Variants in HECTD2 observed in about 807,000 individuals in gnomAD.
HECTD2 encodes the protein probable E3 ubiquitin-protein ligase HECTD2.
Under a neutral mutation model 103.2 loss-of-function variants are expected in HECTD2, and 35 were observed. The ratio of observed to expected loss-of-function variants is 0.34; its 90% CI spans 0.26 to 0.45. The LOEUF is 0.45. Ranked by LOEUF, HECTD2 falls within the 20% of genes least tolerant of loss-of-function variation. The pLI, the probability that HECTD2 is intolerant of heterozygous loss-of-function variation, is 1.00. For synonymous variants in HECTD2, 281 were observed against 329.9 expected, an observed-to-expected ratio of 0.85 and a Z score of 1.61; for missense variants, 596 against 937.4, an observed-to-expected ratio of 0.64 and a Z score of 4.76.
chr10:91,490,870 G>A (rs932369855), intron 11 of HECTD2, among the ~76,000 whole-genome samples: 6 of 106,632 alleles, frequency 5.6e-5, no homozygotes, highest in Middle Eastern at 0.012. Flanking sequence ...CAGCTTGGGC[G>A]AAAGAGTGAG....
chr10:91,433,607 T>C (rs1843990590), intron 2 of HECTD2, among the ~76,000 whole-genome samples: 2 of 152,016 alleles, frequency 1.3e-5, no homozygotes, highest in African/African-American at 2.4e-5. Flanking sequence ...ATAAATGATT[T>C]GTGTTCATTA....
chr10:91,419,763 A>G lies in HECTD2; in HGVS notation c.139-5518A>G, dbSNP rs538733370. Among the ~76,000 whole-genome samples, 120 of 152,198 alleles carry G rather than the reference A, an allele frequency of 7.9e-4. 1 individual carries two copies. The highest frequency in any genetic ancestry group is 1.5e-3 in the Non-Finnish European group (100 of 68,000). On this transcript the variant is annotated intron_variant, in intron 1 of 20. Coordinates refer to ENST00000298068, the MANE Select transcript of HECTD2 (RefSeq NM_182765.6). The stretch of plus-strand genomic sequence containing the variant: ...GTGTTCTCTATTTGTACTTATCTTC[A>G]ATCTGGAACAGCTGGTTGAGTATCC...
intron 8 of HECTD2, among the ~76,000 whole-genome samples, 195 bp downstream of exon 8, chr10:91,483,271 G>A (rs569081356): frequency 2.6e-5 from 4 of 151,948 alleles, no homozygotes; most frequent in Non-Finnish European, 4.4e-5. Context: ...TGTTTTTAAT[G>A]TAAGTAACCA....
chr10:91,511,452 G>T (rs1233860289), intron 20 of HECTD2, among the ~76,000 whole-genome samples: 1 of 152,132 alleles, frequency 6.6e-6, no homozygotes, highest in Non-Finnish European at 1.5e-5. Flanking sequence ...GCTGCTAGAT[G>T]TTTTGTGTAT....
At chr10:91,434,050 AAC>A (rs1844010678) in intron 2 of HECTD2, among the ~76,000 whole-genome samples, 1 of 152,002 alleles carries the variant, frequency 6.6e-6, no homozygotes, top group Non-Finnish European at 1.5e-5. Flanking sequence ...CAGTTTTATA[AAC>A]ACACATCATT....
chr10:91,503,384 G>A (rs1846987145), intron 20 of HECTD2, among the ~76,000 whole-genome samples: 1 of 152,324 alleles, frequency 6.6e-6, no homozygotes, highest in African/African-American at 2.4e-5. Context: ...TCTCACTAGG[G>A]AGTGCCAGAC....
chr10:91,451,792 TAAA>T (rs1554872866), intron 2 of HECTD2, among the ~76,000 whole-genome samples: 4 of 152,082 alleles, frequency 2.6e-5, no homozygotes, highest in Non-Finnish European at 2.9e-5. Context: ...GGAGGGTAGG[TAAA>T]GAAGGAAGGA....
intron 2 of HECTD2, among the ~76,000 whole-genome samples, chr10:91,456,212 G>A (rs1335184809): frequency 6.6e-6 from 1 of 152,200 alleles, no homozygotes; most frequent in Non-Finnish European, 1.5e-5. Context: ...CATGAGCATG[G>A]AATGTTCTTC....
In HECTD2 at chr10:91,487,425, TA is replaced by T. The variant is rs1846303343; in HGVS notation, c.1095-255del. ...AATGAAATTATTTGTATAGACAATG[TA>T]AGTGGTTAGCACACATTCAGAACCT... On this transcript the variant is annotated intron_variant, in intron 10 of 20. Transcript: ENST00000298068. The surrounding 1 kb of genome is among the most constrained non-coding windows in gnomAD (Gnocchi z 4.1). 1 of 448,806 alleles carries T rather than the reference TA, an allele frequency of 2.2e-6. No individual in the cohort carries two copies. The highest frequency in any genetic ancestry group is 3.3e-5 in the Admixed American group (1 of 30,024). The allele number at this position is 448,806 out of a possible 1,614,324, so 27.8% of individuals were successfully genotyped here.
At chr10:91,495,245 T>C (rs1846624910) in intron 14 of HECTD2, among the ~76,000 whole-genome samples, 2 of 151,994 alleles carry the variant, frequency 1.3e-5, no homozygotes, top group South Asian at 2.1e-4. Flanking sequence ...GGTATGAACA[T>C]TGAGAAAATA....
At chr10:91,423,796 A>T (rs1455203401) in intron 1 of HECTD2, among the ~76,000 whole-genome samples, 4 of 152,184 alleles carry the variant, frequency 2.6e-5, no homozygotes, top group Non-Finnish European at 4.4e-5. Context: ...GCACCTATGC[A>T]CAAGATTCAC....
chr10:91,473,453 A>G (rs139586669), intron 5 of HECTD2, among the ~76,000 whole-genome samples: 45 of 152,322 alleles, frequency 3.0e-4, no homozygotes, highest in African/African-American at 1.0e-3. Context: ...ACTTTAAAAG[A>G]TATATTTTAG....
rs1188029285 is a variant in HECTD2, at chr10:91,487,665, T to C, written c.1095-17T>C. The C allele has an allele frequency of 1.9e-6, 3 of 1,565,778 alleles. No individual in the cohort carries two copies. In the East Asian group the frequency reaches 6.7e-5, roughly 35 times the overall value. On this transcript the variant is annotated splice_polypyrimidine_tract_variant and intron_variant, in intron 10 of 20. Coordinates refer to ENST00000298068, the MANE Select transcript of HECTD2 (RefSeq NM_182765.6). The surrounding 1 kb of genome is among the most constrained non-coding windows in gnomAD (Gnocchi z 4.1). ...AATACACCATTTTGCTTTTTCTTTTTTTCACTTGTTGAGCAGGTTTTCCTT... is the reference window on the plus strand; with the variant it reads ...AATACACCATTTTGCTTTTTCTTTTCTTCACTTGTTGAGCAGGTTTTCCTT...
chr10:91,471,825 G>A (rs1468270685), intron 5 of HECTD2, among the ~76,000 whole-genome samples: 1 of 152,016 alleles, frequency 6.6e-6, no homozygotes, highest in East Asian at 1.9e-4. Flanking sequence ...ACAAACAAAT[G>A]GTAAAACATT....
At chr10:91,493,338 T>C (rs958390684) in intron 13 of HECTD2, 82 bp from the exon 14 acceptor site, 1 of 602,734 alleles carries the variant, frequency 1.7e-6, no homozygotes, top group Admixed American at 3.4e-5. Context: ...TTCTAATAGA[T>C]GAGATGTCAT....
intron 5 of HECTD2, among the ~76,000 whole-genome samples, chr10:91,467,961 C>A (rs563292057): frequency 1.3e-5 from 2 of 152,294 alleles, no homozygotes; most frequent in South Asian, 2.1e-4. Context: ...CAGCACCCCA[C>A]ACCTACCACA....
At position 91,512,619 on chromosome 10, in the gene HECTD2, C is replaced by A; in HGVS notation, c.*235C>A. The A allele has an allele frequency of 2.2e-6, 1 of 459,826 alleles. No individual in the cohort carries two copies. The highest frequency in any genetic ancestry group is 3.9e-6 in the Non-Finnish European group (1 of 256,566). The allele number at this position is 459,826 out of a possible 1,614,324, so 28.5% of individuals were successfully genotyped here. A position where few individuals can be genotyped will look rare whatever the true frequency, so the allele number is the denominator to read the frequency against. ...TCCACATGGCAGAGACAGGTATGGTCCAGTTCCTCTTTTATATAGCACTTT... is the reference window on the plus strand; with the variant it reads ...TCCACATGGCAGAGACAGGTATGGTACAGTTCCTCTTTTATATAGCACTTT... On this transcript the variant is annotated 3_prime_UTR_variant, in exon 21 of 21. Coordinates refer to ENST00000298068, the MANE Select transcript of HECTD2 (RefSeq NM_182765.6).
At chr10:91,512,206 A>G (rs1485015377) in intron 20 of HECTD2, 58 bp from the exon 21 acceptor site, 5 of 1,570,028 alleles carry the variant, frequency 3.2e-6, no homozygotes, top group African/African-American at 1.4e-5. Context: ...AAAGTTGCAT[A>G]GCAGTCATTT....
At chr10:91,506,156 C>T (rs1231491729) in intron 20 of HECTD2, among the ~76,000 whole-genome samples, 2 of 151,214 alleles carry the variant, frequency 1.3e-5, no homozygotes, top group Admixed American at 6.6e-5. Context: ...CACTAAATGC[C>T]CACAAGAGAA....
Sources: allele counts gnomAD v4.1 joint callset (sites outside exome capture counted in the v4.1 genomes callset), GRCh38; gene constraint gnomAD v4.1.1; non-coding constraint Gnocchi (gnomAD v3.1); transcripts MANE v1.5; gene names NCBI Gene and HGNC (gene_info 2026-07-23, HGNC 2026-07-21).